The following CPNE6 variants were observed in gnomAD, a reference collection of about 807,000 sequenced individuals.
CPNE6 encodes the protein copine 6, also known as copine-6.
Under a neutral mutation model 71.5 loss-of-function variants are expected in CPNE6, and 33 were observed. The ratio of observed to expected loss-of-function variants is 0.46; its 90% CI spans 0.35 to 0.62. The LOEUF (loss-of-function observed/expected upper bound fraction) is 0.62. CPNE6 is among the 20% of genes least tolerant of loss of function. The pLI, the probability that CPNE6 is intolerant of heterozygous loss-of-function variation, is 0.00. For missense variants in CPNE6, 576 were observed against 747.3 expected (o/e 0.77, Z 2.67); for synonymous variants, 296 against 293.0 (o/e 1.01, Z -0.10).
chr14:24,071,501 G>GCGGGCCCCCCCCCCCC, intron 1 of CPNE6, 61 bp from the exon 1 acceptor site: 2 of 1,416,702 alleles, frequency 1.4e-6, no homozygotes, highest in Non-Finnish European at 1.9e-6. Context: ...CTGGTGCTGC[G>GCGGGCCCCCCCCCCCC]CCCCCCCCCA....
chr14:24,075,373 G>A lies in CPNE6; in HGVS notation c.777+97G>A. ...ACCACCATAGGTGATAGGAAGTGGA[G>A]AGGGTGGAAAGCACCTGGGCTCAGC... On this transcript the variant is annotated intron_variant, in intron 9 of 17. Transcript: ENST00000397016. The surrounding 1 kb of genome is among the most constrained non-coding windows in gnomAD (Gnocchi z 4.3). 7.2e-7 allele frequency: 1 copy of A among 1,397,458 alleles called. No homozygotes were observed. Among genetic ancestry groups the A allele is most frequent in the Non-Finnish European group, 1.0e-6 (1 of 984,630 alleles). The allele number at this position is 1,397,458 out of a possible 1,614,324, so 86.6% of individuals were successfully genotyped here.
intron 1 of CPNE6, chr14:24,071,169 G>C: frequency 9.5e-7 from 1 of 1,058,042 alleles, no homozygotes; most frequent in Non-Finnish European, 1.4e-6. Context: ...GCCGGGGGCT[G>C]TAACTGTCGT....
In CPNE6 at chr14:24,073,089, T is replaced by C. The variant is rs908733439; in HGVS notation, c.153T>C (p.Asp51=). The change falls in exon 3 of 18, where the codon GAT becomes GAC. Residue 51 remains aspartate (D), a synonymous_variant. Coordinates refer to ENST00000397016, the Ensembl canonical transcript of CPNE6. The surrounding 1 kb of genome is among the most constrained non-coding windows in gnomAD (Gnocchi z 5.5). ...GCGTGCTGCTCAAGCTCTACTCTGA[T>C]GAGCAGTGGGTGGAGGTGAGAGCAG... 6.8e-7 allele frequency: 1 copy of C among 1,478,122 alleles called. No homozygotes were observed. Among genetic ancestry groups the C allele is most frequent in the Non-Finnish European group, 9.0e-7 (1 of 1,114,164 alleles). 91.6% of individuals were successfully genotyped at this position (1,478,122 alleles called of 1,614,324 possible). A position where few individuals can be genotyped will look rare whatever the true frequency, so the allele number is the denominator to read the frequency against.
chr14:24,075,077 A>G lies in CPNE6; in HGVS notation c.673-95A>G. 1 of 912,046 alleles carries G rather than the reference A, an allele frequency of 1.1e-6. No individual in the cohort carries two copies. Among genetic ancestry groups the G allele is most frequent in the Non-Finnish European group, 1.8e-6 (1 of 548,392 alleles). The allele number at this position is 912,046 out of a possible 1,614,324, so 56.5% of individuals were successfully genotyped here. ...TTTGGGCATGGAGACTCTAAGGCCC[A>G]AGTCCCCCTACTCCAAGTCCCCGAG... On this transcript the variant is annotated intron_variant, in intron 8 of 17. Transcript: ENST00000397016. The surrounding 1 kb of genome is among the most constrained non-coding windows in gnomAD (Gnocchi z 4.3).
rs377388682 is a variant in CPNE6 at position 24,075,590 on chromosome 14, C to T, written c.863C>T (p.Thr288Met). 2.6e-5 allele frequency: 42 copies of T among 1,607,868 alleles called. 1 individual carries two copies. The highest frequency in any genetic ancestry group is 8.0e-5 in the African/African-American group (6 of 74,784). ...GGGACGGTAGTGCTGGCCCAGTGCA[C>T]GGTAAATTTCACTTCCTGCTTCAAG... is the stretch of plus-strand genomic sequence containing the variant. The change falls in exon 10 of 18, where the codon ACG (threonine) becomes ATG (methionine). Residue 288 changes from threonine to methionine, a missense_variant and splice_region_variant. Coordinates refer to ENST00000397016, the Ensembl canonical transcript of CPNE6. The surrounding 1 kb of genome is among the most constrained non-coding windows in gnomAD (Gnocchi z 4.3).
Position 24,074,757 on chromosome 14 carries a change from C to A in CPNE6, c.634C>A (p.His212Asn). The A allele has an allele frequency of 6.2e-7, 1 of 1,614,024 alleles. No individual in the cohort carries two copies. The highest frequency in any genetic ancestry group is 1.1e-5 in the South Asian group (1 of 91,062). ...CTGGGAGCCGTTCCGCCTGTCCCTG[C>A]ATTCCCTATGCAGCTGTGATGTTCA... is the stretch of plus-strand genomic sequence containing the variant. Residue 212 changes from histidine (H) to asparagine (N), a missense_variant, in exon 8 of 18, where the codon CAT becomes AAT. His to Asn is a moderately conservative substitution (Grantham distance 68). Around this residue, in one of 4 missense-constraint regions of CPNE6, gnomAD observed 214 missense variants for 291.2 expected, o/e 0.73. Transcript: ENST00000397016. The surrounding 1 kb of genome is among the most constrained non-coding windows in gnomAD (Gnocchi z 4.5).
intron 1 of CPNE6, chr14:24,071,189 G>A (rs2035884615): frequency 2.0e-6 from 2 of 1,001,286 alleles, no homozygotes; most frequent in Non-Finnish European, 2.9e-6. Context: ...TGGTGTCACA[G>A]TGAGTTTATG....
At chr14:24,076,202 G>C (rs562761783) in exon 12 of CPNE6, 2 of 1,614,082 alleles carry the variant, frequency 1.2e-6, no homozygotes, top group East Asian at 2.2e-5. Context: ...GCCAGTCCCT[G>C]CACTGCCTCA....
Position 24,075,677 on chromosome 14 carries a change from CCA to C in CPNE6, c.864+87_864+88del. 1.4e-6 allele frequency: 2 copies of C among 1,392,796 alleles called. No homozygotes were observed. The highest frequency in any genetic ancestry group is 2.0e-6 in the Non-Finnish European group (2 of 998,524). The allele number at this position is 1,392,796 out of a possible 1,614,324, so 86.3% of individuals were successfully genotyped here. On this transcript the variant is annotated intron_variant, in intron 10 of 17. Coordinates refer to ENST00000397016, the Ensembl canonical transcript of CPNE6. The surrounding 1 kb of genome is among the most constrained non-coding windows in gnomAD (Gnocchi z 4.3). ...TTCAACCCTTCCCTTGTTTCAAAGACCAGTTTCTCTGCTTCTGGGAACTGGAA... is the reference window on the plus strand; with the variant it reads ...TTCAACCCTTCCCTTGTTTCAAAGACGTTTCTCTGCTTCTGGGAACTGGAA...
rs754810296 is a variant in CPNE6 at position 24,074,293 on chromosome 14, C to T, written c.426C>T (p.Ile142=). 1.9e-6 allele frequency: 3 copies of T among 1,582,140 alleles called. No homozygotes were observed. Among genetic ancestry groups the T allele is most frequent in the Non-Finnish European group, 2.6e-6 (3 of 1,161,418 alleles). The change falls in exon 6 of 18, where the codon ATC becomes ATT. Residue 142 remains isoleucine, a splice_region_variant and synonymous_variant. Transcript: ENST00000397016. The surrounding 1 kb of genome is among the most constrained non-coding windows in gnomAD (Gnocchi z 4.5). ...TGCCACTTGTATCCCCCTTGCAGAT[C>T]GTGGCCGAGGAGGTATCAGGCACAA... is the stretch of plus-strand genomic sequence containing the variant.
intron 1 of CPNE6, chr14:24,071,160 C>T: frequency 3.6e-6 from 4 of 1,097,034 alleles, no homozygotes; most frequent in Non-Finnish European, 5.2e-6. Flanking sequence ...TGTGTATCCG[C>T]CGGGGGCTGT....
In CPNE6 at chr14:24,075,294, C is replaced by G. The variant is rs759134968; in HGVS notation, c.777+18C>G. The G allele has an allele frequency of 3.2e-6, 5 of 1,584,134 alleles. No homozygotes were observed. The African/African-American group carries it at 6.7e-5, about 21-fold the overall frequency. On this transcript the variant is annotated intron_variant, in intron 9 of 17. Transcript: ENST00000397016. The surrounding 1 kb of genome is among the most constrained non-coding windows in gnomAD (Gnocchi z 4.3). Reference sequence around the variant, plus strand: ...GGCAGGAGGTGCCACAAATACCCCACCCCCAGAATCCCACCCAGATCCCTG... The same window carrying G: ...GGCAGGAGGTGCCACAAATACCCCAGCCCCAGAATCCCACCCAGATCCCTG...
At position 24,073,990 on chromosome 14, in the gene CPNE6, T is replaced by A; in HGVS notation, c.349-61T>A. 1 of 1,424,630 alleles carries A rather than the reference T, an allele frequency of 7.0e-7. No homozygotes were observed. Among genetic ancestry groups the A allele is most frequent in the Non-Finnish European group, 9.9e-7 (1 of 1,007,278 alleles). 88.2% of individuals were successfully genotyped at this position (1,424,630 alleles called of 1,614,324 possible). On this transcript the variant is annotated intron_variant, in intron 4 of 17. Coordinates refer to ENST00000397016, the Ensembl canonical transcript of CPNE6. The surrounding 1 kb of genome is among the most constrained non-coding windows in gnomAD (Gnocchi z 5.5). ...TCAGAGCATTTATTATTCCATCCCT[T>A]GTACGTGGCCAAGGCAGATGGGGAT...
chr14:24,076,424 A>T lies in CPNE6; in HGVS notation c.1113+10A>T. On this transcript the variant is annotated intron_variant, in intron 13 of 17. Coordinates refer to ENST00000397016, the Ensembl canonical transcript of CPNE6. ...CCCCCCCAACTTCGAGGTAGGCTAG[A>T]TGCGAGGGAAAGAAGGAGATGGGGG... The T allele has an allele frequency of 6.2e-7, 1 of 1,614,186 alleles. No individual in the cohort carries two copies.
Position 24,075,036 on chromosome 14 carries a change from A to G in CPNE6, c.673-136A>G. ...AGTTCAGCAGGTGGCCTCTCCGGGC[A>G]GGCTGAGGATGTCTGTTTGGGCATG... On this transcript the variant is annotated intron_variant, in intron 8 of 17. Coordinates refer to ENST00000397016, the Ensembl canonical transcript of CPNE6. The surrounding 1 kb of genome is among the most constrained non-coding windows in gnomAD (Gnocchi z 4.3). 1 of 774,312 alleles carries G rather than the reference A, an allele frequency of 1.3e-6. No individual in the cohort carries two copies. Among genetic ancestry groups the G allele is most frequent in the Non-Finnish European group, 2.2e-6 (1 of 445,710 alleles). 48.0% of individuals were successfully genotyped at this position (774,312 alleles called of 1,614,324 possible).
At position 24,077,051 on chromosome 14, in the gene CPNE6, T is replaced by G; in HGVS notation, c.1299+39T>G. Reference sequence around the variant, plus strand: ...GCGGGCAAACAGGAGCTGTCCCATGTGTCTTTAAGTGGTGCCAGGGCCAGG... The same window carrying G: ...GCGGGCAAACAGGAGCTGTCCCATGGGTCTTTAAGTGGTGCCAGGGCCAGG... On this transcript the variant is annotated intron_variant, in intron 15 of 17. Transcript: ENST00000397016. The surrounding 1 kb of genome is among the most constrained non-coding windows in gnomAD (Gnocchi z 6.1). 1 of 1,603,654 alleles carries G rather than the reference T, an allele frequency of 6.2e-7. No homozygotes were observed. The highest frequency in any genetic ancestry group is 8.5e-7 in the Non-Finnish European group (1 of 1,178,854).
Position 24,075,976 on chromosome 14 carries a change from T to G in CPNE6, c.924+90T>G. On this transcript the variant is annotated intron_variant, in intron 11 of 17. Coordinates refer to ENST00000397016, the Ensembl canonical transcript of CPNE6. The surrounding 1 kb of genome is among the most constrained non-coding windows in gnomAD (Gnocchi z 4.3). ...AGCCCAGAATCTCCACTGCCCCAACTTGGGCTGCTCATGAGCCTTCGCATT... is the reference window on the plus strand; with the variant it reads ...AGCCCAGAATCTCCACTGCCCCAACGTGGGCTGCTCATGAGCCTTCGCATT... The G allele has an allele frequency of 1.3e-6, 2 of 1,549,118 alleles. No homozygotes were observed. Among genetic ancestry groups the G allele is most frequent in the Non-Finnish European group, 8.9e-7 (1 of 1,123,918 alleles).
In CPNE6 at chr14:24,076,419, G is replaced by A. The variant is rs1566551614; in HGVS notation, c.1113+5G>A. 6.2e-7 allele frequency: 1 copy of A among 1,614,218 alleles called. No homozygotes were observed. Reference sequence around the variant, plus strand: ...CGAATCCCCCCCAACTTCGAGGTAGGCTAGATGCGAGGGAAAGAAGGAGAT... The same window carrying A: ...CGAATCCCCCCCAACTTCGAGGTAGACTAGATGCGAGGGAAAGAAGGAGAT... On this transcript the variant is annotated splice_donor_5th_base_variant and intron_variant, in intron 13 of 17. Coordinates refer to ENST00000397016, the Ensembl canonical transcript of CPNE6.
chr14:24,072,974 C>G (rs17851597), exon 3 of CPNE6: 2 of 1,586,740 alleles, frequency 1.3e-6, no homozygotes, highest in East Asian at 2.4e-5. Flanking sequence ...CCTGAGCCCC[C>G]AACCATGACG....
Sources: allele counts gnomAD v4.1 joint callset, GRCh38; gene constraint gnomAD v4.1.1; regional missense constraint gnomAD v4.1.1; non-coding constraint Gnocchi (gnomAD v3.1); transcripts MANE v1.5; gene names NCBI Gene and HGNC (gene_info 2026-07-23, HGNC 2026-07-21).